MEIS1: variants seen among roughly 807,000 people sequenced by gnomAD.
MEIS1 encodes the protein homeobox protein Meis1.
A neutral mutation model predicts 50.8 loss-of-function variants in MEIS1; 5 were observed. The ratio of observed to expected loss-of-function variants is 0.10; its 90% CI spans 0.05 to 0.21. The LOEUF is 0.21. MEIS1 is among the 10% of genes least tolerant of loss of function. MEIS1 has a pLI of 1.00. For synonymous variants in MEIS1, 176 were observed against 179.3 expected (o/e 0.98, Z 0.15); for missense variants, 318 against 517.3 (o/e 0.61, Z 3.74).
At chr2:66,500,487 C>G (rs566527922) in intron 7 of MEIS1, among the ~76,000 whole-genome samples, 2 of 151,868 alleles carry the variant, frequency 1.3e-5, no homozygotes, top group African/African-American at 4.8e-5. Flanking sequence ...TGCAGTGGCT[C>G]GATCTCCACT....
intron 9 of MEIS1, among the ~76,000 whole-genome samples, chr2:66,552,028 G>GACACACAC (rs71980656): frequency 7.6e-4 from 112 of 147,294 alleles, no homozygotes; most frequent in African/African-American, 1.5e-3. Flanking sequence ...CTTTATGGAA[G>GACACACAC]ACACACACAC....
intron 6 of MEIS1, chr2:66,443,467 A>T (rs190723949): frequency 5.6e-6 from 1 of 177,738 alleles, no homozygotes; most frequent in Non-Finnish European, 1.2e-5. Context: ...AATAAATCCA[A>T]GATAGGTGGT....
At chr2:66,517,496 T>C (rs1440533273) in intron 8 of MEIS1, among the ~76,000 whole-genome samples, 1 of 152,216 alleles carries the variant, frequency 6.6e-6, no homozygotes, top group African/African-American at 2.4e-5. Flanking sequence ...TTCATAGTTT[T>C]TACTTTTTCC....
intron 7 of MEIS1, chr2:66,509,101 C>A (rs1376303802): frequency 4.3e-6 from 2 of 469,362 alleles, no homozygotes; most frequent in Admixed American, 4.7e-5. Context: ...TATCAAATTG[C>A]GGAGTGAATG....
chr2:66,512,461 C>T (rs959577709), intron 8 of MEIS1, among the ~76,000 whole-genome samples, 167 bp downstream of exon 8: 1 of 151,998 alleles, frequency 6.6e-6, no homozygotes, highest in Non-Finnish European at 1.5e-5. Context: ...AGATAGATAC[C>T]CCAAATGAGA....
At chr2:66,444,249 G>A (rs973402807) in intron 6 of MEIS1, among the ~76,000 whole-genome samples, 4 of 152,072 alleles carry the variant, frequency 2.6e-5, no homozygotes, top group African/African-American at 9.7e-5. Flanking sequence ...AGATTTGGGG[G>A]AAGAGATCAG....
At chr2:66,571,209 A>G (rs1675478551) in intron 12 of MEIS1, 37 bp from the exon 13 acceptor site, 1 of 1,543,092 alleles carries the variant, frequency 6.5e-7, no homozygotes, top group East Asian at 2.4e-5. Context: ...TTTTCATAAC[A>G]TTTTCTTTTT....
intron 9 of MEIS1, among the ~76,000 whole-genome samples, chr2:66,551,493 A>G (rs1420295710): frequency 6.6e-6 from 1 of 152,194 alleles, no homozygotes; most frequent in Non-Finnish European, 1.5e-5. Flanking sequence ...AATGGTTGGC[A>G]TCAGTACTTA....
chr2:66,437,575 T>G (rs1173646502), intron 1 of MEIS1, 162 bp from the exon 2 acceptor site: 2 of 646,002 alleles, frequency 3.1e-6, no homozygotes, highest in Non-Finnish European at 5.5e-6. Flanking sequence ...CTTAAAGCTT[T>G]AATTTTAAAA....
In MEIS1 at chr2:66,568,748, G is replaced by C; in HGVS notation, c.1106G>C (p.Arg369Thr). The change falls in exon 11 of 13, where the codon AGA becomes ACA. Residue 369 changes from arginine (R) to threonine (T), a missense_variant. This residue lies in a region of MEIS1 where 54 missense variants were observed against 75.0 expected (regional missense o/e 0.72). Transcript: ENST00000272369. ...GACGGTCAGCAACATATGGGAATTAGAGCACCAGGTAAGACTTTGTTTTTG... is the reference window on the plus strand; with the variant it reads ...GACGGTCAGCAACATATGGGAATTACAGCACCAGGTAAGACTTTGTTTTTG... The part of the protein sequence containing the change: ...VMDGQQHMGI[R>T]APGPMSGMGM... 1 of 1,613,608 alleles carries C rather than the reference G, an allele frequency of 6.2e-7. No individual in the cohort carries two copies.
chr2:66,496,456 G>A (rs1379730285), intron 7 of MEIS1, among the ~76,000 whole-genome samples: 1 of 152,058 alleles, frequency 6.6e-6, no homozygotes, highest in Non-Finnish European at 1.5e-5. Flanking sequence ...AGTGTGAATT[G>A]CCCAATTTCA....
At chr2:66,447,549 C>G (rs923655438) in intron 6 of MEIS1, among the ~76,000 whole-genome samples, 2 of 152,048 alleles carry the variant, frequency 1.3e-5, no homozygotes, top group Admixed American at 1.3e-4. Flanking sequence ...CATTCTAGGC[C>G]CTTTATTACA....
chr2:66,439,080 C>CTTTTTTTT (rs770879627), intron 2 of MEIS1: 1 of 90,086 alleles, frequency 1.1e-5, no homozygotes, highest in Non-Finnish European at 2.5e-5. Flanking sequence ...TCTTCTTCTT[C>CTTTTTTTT]TTTTTTTTTT....
At chr2:66,528,692 C>G (rs902289352) in intron 8 of MEIS1, among the ~76,000 whole-genome samples, 2 of 152,176 alleles carry the variant, frequency 1.3e-5, no homozygotes, top group Non-Finnish European at 2.9e-5. Context: ...CCGTTCGTTC[C>G]CCAGCCTTCC....
At chr2:66,499,376 C>T (rs1036414054) in intron 7 of MEIS1, among the ~76,000 whole-genome samples, 2 of 151,418 alleles carry the variant, frequency 1.3e-5, no homozygotes, top group African/African-American at 4.9e-5. Context: ...CTTTTTTTCC[C>T]CCTGACCCTT....
intron 6 of MEIS1, chr2:66,443,647 A>G (rs1336401269): frequency 6.6e-6 from 1 of 152,310 alleles, no homozygotes; most frequent in African/African-American, 2.4e-5. Context: ...TATTGTACTT[A>G]ATAGAAAAAA....
intron 9 of MEIS1, among the ~76,000 whole-genome samples, chr2:66,560,239 G>C (rs1675179084): frequency 6.6e-6 from 1 of 150,908 alleles, no homozygotes; most frequent in African/African-American, 2.4e-5. Flanking sequence ...CATGAGTTTT[G>C]ATATTACTTT....
chr2:66,558,704 G>A (rs2103955729), intron 9 of MEIS1, among the ~76,000 whole-genome samples: 1 of 152,242 alleles, frequency 6.6e-6, no homozygotes, highest in East Asian at 1.9e-4. Context: ...TAAATTTTGA[G>A]ATATCCTCTC....
intron 6 of MEIS1, among the ~76,000 whole-genome samples, chr2:66,447,804 C>G (rs1203959741): frequency 6.6e-6 from 1 of 152,132 alleles, no homozygotes; most frequent in Non-Finnish European, 1.5e-5. Flanking sequence ...ACAAAAAATC[C>G]TTTGCGTAGC....
Sources: gnomAD v4.1 joint callset for allele counts (sites outside exome capture counted in the v4.1 genomes callset) on GRCh38, gnomAD v4.1.1 for gene constraint, gnomAD v4.1.1 regional missense constraint, MANE v1.5 for transcripts, NCBI Gene and HGNC (gene_info 2026-07-23, HGNC 2026-07-21) for gene names.